SLC6A11: variants seen among roughly 807,000 people sequenced by gnomAD.
SLC6A11 encodes the protein solute carrier family 6 member 11, also known as sodium- and chloride-dependent GABA transporter 3.
In SLC6A11, 25 loss-of-function variants were observed where a neutral mutation model predicts 74.8. The observed-to-expected ratio is 0.33, with a 90% CI of 0.24 to 0.47. The LOEUF is 0.47. Among genes scored for constraint, SLC6A11 ranks in the 20% least tolerant of loss-of-function variants. The pLI, the probability that SLC6A11 is intolerant of heterozygous loss-of-function variation, is 1.00. For missense variants in SLC6A11, 574 were observed against 837.0 expected, an observed-to-expected ratio of 0.69 and a Z score of 3.88; for synonymous variants, 330 against 330.2, an observed-to-expected ratio of 1.00 and a Z score of 0.01.
At position 10,900,764 on chromosome 3, in the gene SLC6A11, G is replaced by A. The variant is rs138323162; in HGVS notation, c.892-11326G>A. ...TGACACAAAAGAACCTGCCTGATCA[G>A]GCTGGGATTGGAAGCTGAAGTCTGG... On this transcript the variant is annotated intron_variant, in intron 6 of 13. Transcript: ENST00000254488. Among the ~76,000 whole-genome samples, 144 of 152,334 alleles carry A rather than the reference G, an allele frequency of 9.5e-4. 1 individual carries two copies. The Middle Eastern group carries it at 0.031, about 32-fold the overall frequency.
chr3:10,832,571 A>G (rs1480705427), intron 4 of SLC6A11, among the ~76,000 whole-genome samples: 1 of 152,220 alleles, frequency 6.6e-6, no homozygotes, highest in Non-Finnish European at 1.5e-5. Flanking sequence ...TAAATGGGAT[A>G]TGTTTGTATG....
intron 4 of SLC6A11, chr3:10,823,663 T>C (rs1694166781): frequency 5.4e-6 from 2 of 368,800 alleles, no homozygotes; most frequent in African/African-American, 4.1e-5. Flanking sequence ...GGTGAAAGGA[T>C]AGACAGTTTA....
intron 3 of SLC6A11, among the ~76,000 whole-genome samples, chr3:10,822,945 T>TTCCACTACAGC: frequency 6.6e-6 from 1 of 152,176 alleles, no homozygotes. Flanking sequence ...AGTCCCCCTA[T>TTCCACTACAGC]TCCACTACAG....
intron 6 of SLC6A11, among the ~76,000 whole-genome samples, chr3:10,907,643 A>G (rs1267760628): frequency 6.6e-6 from 1 of 152,240 alleles, no homozygotes; most frequent in African/African-American, 2.4e-5. Flanking sequence ...TAAGTGCTTT[A>G]TAAGGGGAAG....
chr3:10,917,969 A>G lies in SLC6A11; in HGVS notation c.996-360A>G, dbSNP rs554154453. Among the ~76,000 whole-genome samples, 5 of 152,326 alleles carry G rather than the reference A, an allele frequency of 3.3e-5. No homozygotes were observed. In the South Asian group the frequency reaches 6.2e-4, roughly 19 times the overall value. ...CCTGCCCTCCTTGCTTTGAGCTCCC[A>G]GGAATACTTTCCCAGCCTTTCTCTC... On this transcript the variant is annotated intron_variant, in intron 7 of 13. Coordinates refer to ENST00000254488, the MANE Select transcript of SLC6A11 (RefSeq NM_014229.3).
At chr3:10,834,750 C>A (rs545115286) in intron 4 of SLC6A11, among the ~76,000 whole-genome samples, 1 of 152,300 alleles carries the variant, frequency 6.6e-6, no homozygotes, top group East Asian at 1.9e-4. Context: ...GGAATTGGGA[C>A]CCTGAGCAGG....
At chr3:10,929,560 G>A (rs1486349430) in intron 10 of SLC6A11, among the ~76,000 whole-genome samples, 3 of 152,182 alleles carry the variant, frequency 2.0e-5, no homozygotes, top group Non-Finnish European at 2.9e-5. Context: ...GGCCGCGGCT[G>A]TTATTCACAG....
intron 6 of SLC6A11, among the ~76,000 whole-genome samples, chr3:10,886,462 C>A (rs549355235): frequency 1.3e-5 from 2 of 152,288 alleles, no homozygotes; most frequent in East Asian, 3.9e-4. Flanking sequence ...TCCCTGTCAT[C>A]CTGCAGATCT....
chr3:10,832,750 A>G (rs1265098576), intron 4 of SLC6A11, among the ~76,000 whole-genome samples: 1 of 152,230 alleles, frequency 6.6e-6, no homozygotes, highest in African/African-American at 2.4e-5. Flanking sequence ...CCAGGTTCAG[A>G]AATTTAATTC....
chr3:10,833,376 T>C (rs914183561), intron 4 of SLC6A11, among the ~76,000 whole-genome samples: 1 of 152,076 alleles, frequency 6.6e-6, no homozygotes. Context: ...GCCAATTAAG[T>C]GTAAGGGGTG....
At chr3:10,843,359 C>T (rs761258020) in intron 4 of SLC6A11, among the ~76,000 whole-genome samples, 1 of 152,150 alleles carries the variant, frequency 6.6e-6, no homozygotes, top group Admixed American at 6.5e-5. Flanking sequence ...GCTTACCTTT[C>T]CTGCTTTTTC....
chr3:10,832,464 A>G (rs1285141804), intron 4 of SLC6A11, among the ~76,000 whole-genome samples: 3 of 152,284 alleles, frequency 2.0e-5, no homozygotes, highest in African/African-American at 7.2e-5. Flanking sequence ...TGTTGCTCTA[A>G]TAGGGTGTTG....
At chr3:10,903,170 A>G (rs1236166095) in intron 6 of SLC6A11, among the ~76,000 whole-genome samples, 1 of 152,216 alleles carries the variant, frequency 6.6e-6, no homozygotes, top group African/African-American at 2.4e-5. Context: ...CAATTCGAGG[A>G]CATAGAGATG....
intron 5 of SLC6A11, among the ~76,000 whole-genome samples, chr3:10,867,189 A>C (rs1448719487): frequency 6.6e-6 from 1 of 152,180 alleles, no homozygotes; most frequent in Non-Finnish European, 1.5e-5. Context: ...GCGATGGATT[A>C]TGAGTTGCTG....
chr3:10,853,733 A>G (rs1036603514), intron 5 of SLC6A11, among the ~76,000 whole-genome samples: 1 of 152,246 alleles, frequency 6.6e-6, no homozygotes, highest in African/African-American at 2.4e-5. Flanking sequence ...AATCTCCTGG[A>G]CATAAAGTCA....
chr3:10,867,727 C>G (rs1414620992), intron 5 of SLC6A11, among the ~76,000 whole-genome samples: 1 of 152,194 alleles, frequency 6.6e-6, no homozygotes, highest in Non-Finnish European at 1.5e-5. Context: ...TGCAGAGCAT[C>G]CAATTACGAA....
At chr3:10,850,995 GT>G (rs1336947679) in intron 5 of SLC6A11, among the ~76,000 whole-genome samples, 1 of 152,184 alleles carries the variant, frequency 6.6e-6, no homozygotes, top group Non-Finnish European at 1.5e-5. Context: ...AGACCTTGCT[GT>G]CCTTTGCCTT....
chr3:10,906,967 C>T (rs60878033), intron 6 of SLC6A11, among the ~76,000 whole-genome samples: 1,737 of 152,264 alleles, frequency 0.011, 86 homozygotes, highest in East Asian at 0.11. Flanking sequence ...AAATCTATCT[C>T]ACCTAAACGT....
intron 6 of SLC6A11, among the ~76,000 whole-genome samples, chr3:10,904,678 T>C (rs1257814277): frequency 6.6e-6 from 1 of 152,176 alleles, no homozygotes; most frequent in Non-Finnish European, 1.5e-5. Context: ...CTTCCTTTCA[T>C]TGAGGTGGGG....
Sources: gnomAD v4.1 joint callset for allele counts (sites outside exome capture counted in the v4.1 genomes callset) on GRCh38, gnomAD v4.1.1 for gene constraint, MANE v1.5 for transcripts, NCBI Gene and HGNC (gene_info 2026-07-23, HGNC 2026-07-21) for gene names.